The following MEGF11 variants were observed in gnomAD, a reference collection of about 807,000 sequenced individuals.
MEGF11 encodes the protein multiple EGF like domains 11, also known as multiple epidermal growth factor-like domains protein 11.
MEGF11 carries 126 observed loss-of-function variants against 146.6 expected under a neutral mutation model. The ratio of observed to expected loss-of-function variants is 0.86; its 90% confidence interval spans 0.74 to 1.00. MEGF11 has a LOEUF of 1.00. Among genes scored for constraint, MEGF11 ranks in the 50% least tolerant of loss-of-function variants. MEGF11 has a pLI of 0.00. For missense variants in MEGF11, 1,509 were observed against 1,521.2 expected, an observed-to-expected ratio of 0.99 and a Z score of 0.13; for synonymous variants, 532 against 583.4, an observed-to-expected ratio of 0.91 and a Z score of 1.27.
At position 65,915,511 on chromosome 15, in the gene MEGF11, C is replaced by T. The variant is rs755106286; in HGVS notation, c.2432G>A (p.Cys811Tyr). ...TCCTTTGAAGCCAGGGCTGCAGTAA[C>T]AGGTGCCGGTGACATGGTCACAGGT... The part of the protein sequence containing the change: ...NSTCDHVTGT[C>Y]YCSPGFKGIR... The change falls in exon 19 of 26, where the codon TGT (cysteine) becomes TAT (tyrosine). Residue 811 changes from cysteine to tyrosine, a missense_variant. Cys to Tyr is a radical substitution (Grantham distance 194). Coordinates refer to ENST00000395614, the MANE Select transcript of MEGF11 (RefSeq NM_001385028.1). The T allele has an allele frequency of 1.2e-6, 2 of 1,613,972 alleles. No homozygotes were observed. The highest frequency in any genetic ancestry group is 1.7e-6 in the Non-Finnish European group (2 of 1,179,872).
chr15:65,969,578 T>G (rs1467861429), intron 8 of MEGF11, among the ~76,000 whole-genome samples: 1 of 152,186 alleles, frequency 6.6e-6, no homozygotes, highest in Non-Finnish European at 1.5e-5. Flanking sequence ...TGGACATCAC[T>G]AAGGATTTGG....
chr15:66,039,306 C>T (rs891626779), intron 5 of MEGF11, among the ~76,000 whole-genome samples: 22 of 152,270 alleles, frequency 1.4e-4, no homozygotes, highest in East Asian at 5.8e-4. Flanking sequence ...CCAGAGGTGG[C>T]GGGAGAGGCT....
chr15:66,127,333 C>T (rs371198949), intron 2 of MEGF11, among the ~76,000 whole-genome samples: 5 of 152,240 alleles, frequency 3.3e-5, no homozygotes, highest in African/African-American at 1.2e-4. Context: ...AGGGATCACA[C>T]AAGTGCAGGC....
At chr15:66,200,895 G>A (rs753336244) in intron 1 of MEGF11, among the ~76,000 whole-genome samples, 30 of 152,028 alleles carry the variant, frequency 2.0e-4, no homozygotes, top group Non-Finnish European at 3.8e-4. Flanking sequence ...AGGTCAGGTT[G>A]TCCCTAGAGA....
intron 4 of MEGF11, among the ~76,000 whole-genome samples, chr15:66,102,848 C>G (rs1007969657): frequency 6.6e-6 from 1 of 152,166 alleles, no homozygotes; most frequent in African/African-American, 2.4e-5. Context: ...TTCCTTTGGC[C>G]CTTGGCCTAG....
In MEGF11 at chr15:66,124,020, T is replaced by C. The variant is rs1234091678; in HGVS notation, c.99-20A>G. ...GCATAGCTGAGAACCAGATGGGAGA[T>C]AGGAGCCATGATTAGCACTTGGGAA... On this transcript the variant is annotated intron_variant, in intron 2 of 25. Coordinates refer to ENST00000395614, the MANE Select transcript of MEGF11 (RefSeq NM_001385028.1). 1.9e-6 allele frequency: 3 copies of C among 1,592,898 alleles called. No homozygotes were observed. Among genetic ancestry groups the C allele is most frequent in the African/African-American group, 1.3e-5 (1 of 74,610 alleles).
intron 5 of MEGF11, among the ~76,000 whole-genome samples, chr15:65,997,104 G>C (rs1218776411): frequency 6.6e-6 from 1 of 152,206 alleles, no homozygotes; most frequent in African/African-American, 2.4e-5. Flanking sequence ...GACTTTGAGA[G>C]GAGCTCCCAG....
chr15:65,999,166 G>A (rs59691220), intron 5 of MEGF11, among the ~76,000 whole-genome samples: 29,858 of 151,606 alleles, frequency 0.2, 3,435 homozygotes, highest in East Asian at 0.59. Flanking sequence ...TGAGTAGCTG[G>A]GACTACAGGC....
At position 65,982,334 on chromosome 15, in the gene MEGF11, C is replaced by A; in HGVS notation, c.549G>T (p.Lys183Asn). The change falls in exon 6 of 26, where the codon AAG becomes AAT. Residue 183 changes from lysine (K) to asparagine (N), a missense_variant. By Grantham distance (94) the Lys-to-Asn change is moderately conservative (BLOSUM62 0). Transcript: ENST00000395614. The surrounding 1 kb of genome is among the most constrained non-coding windows in gnomAD (Gnocchi z 5.6). Reference protein sequence around the residue: ...EELCAPGTHGKGCQLPCQCRH... With the variant: ...EELCAPGTHGNGCQLPCQCRH... ...GGCACTGGCACGGCAGCTGGCATCC[C>A]TTGCCGTGGGTGCCAGGTGCGCAGA... 2.0e-6 allele frequency: 3 copies of A among 1,530,834 alleles called. No individual in the cohort carries two copies. The highest frequency in any genetic ancestry group is 2.6e-6 in the Non-Finnish European group (3 of 1,139,718). 94.8% of individuals were successfully genotyped at this position (1,530,834 alleles called of 1,614,324 possible). A position where few individuals can be genotyped will look rare whatever the true frequency, so the allele number is the denominator to read the frequency against.
At chr15:66,113,013 T>G (rs1402635078) in intron 4 of MEGF11, among the ~76,000 whole-genome samples, 1 of 152,222 alleles carries the variant, frequency 6.6e-6, no homozygotes, top group Non-Finnish European at 1.5e-5. Flanking sequence ...ACAATAATTG[T>G]GCAAAGCAAC....
chr15:66,113,103 A>G (rs2087520723), intron 4 of MEGF11, among the ~76,000 whole-genome samples: 1 of 151,866 alleles, frequency 6.6e-6, no homozygotes, highest in African/African-American at 2.4e-5. Flanking sequence ...ACACTGCCTG[A>G]CCCCCTGCCC....
At chr15:66,181,740 A>G (rs763678483) in intron 1 of MEGF11, among the ~76,000 whole-genome samples, 3 of 152,162 alleles carry the variant, frequency 2.0e-5, no homozygotes, top group African/African-American at 7.2e-5. Context: ...ATTTTTCTTA[A>G]TTAAATTTTT....
chr15:66,012,810 C>A (rs1039606574), intron 5 of MEGF11, among the ~76,000 whole-genome samples: 2 of 152,206 alleles, frequency 1.3e-5, no homozygotes, highest in African/African-American at 4.8e-5. Context: ...CAGCGCTTCC[C>A]CTAGGAGCCC....
chr15:66,075,173 T>C (rs1402789499), intron 5 of MEGF11, among the ~76,000 whole-genome samples: 1 of 152,234 alleles, frequency 6.6e-6, no homozygotes, highest in African/African-American at 2.4e-5. Flanking sequence ...GAACCCATGT[T>C]AGAGAGGCCC....
intron 9 of MEGF11, among the ~76,000 whole-genome samples, chr15:65,959,105 A>ATAAT (rs1464424157): frequency 2.0e-5 from 3 of 152,210 alleles, no homozygotes; most frequent in African/African-American, 4.8e-5. Context: ...TCCTCTAAAT[A>ATAAT]TAATTATCTT....
At chr15:66,138,999 G>A (rs951007744) in intron 1 of MEGF11, among the ~76,000 whole-genome samples, 15 of 152,198 alleles carry the variant, frequency 9.9e-5, no homozygotes, top group African/African-American at 3.4e-4. Flanking sequence ...GGGAAGAAAG[G>A]AACTGAAGGT....
intron 7 of MEGF11, among the ~76,000 whole-genome samples, chr15:65,975,950 A>G (rs112633341): frequency 0.048 from 7,229 of 151,846 alleles, 272 homozygotes; most frequent in Non-Finnish European, 0.069. Flanking sequence ...GCAGGGGGAG[A>G]GAGCAGCCAG....
chr15:65,980,706 C>A, intron 7 of MEGF11, 72 bp downstream of exon 7: 1 of 1,484,518 alleles, frequency 6.7e-7, no homozygotes, highest in Non-Finnish European at 9.0e-7. Flanking sequence ...CTAGTTTAGC[C>A]TTTTAAGGTA....
In MEGF11 at chr15:65,907,413, A is replaced by G. The variant is rs532226261; in HGVS notation, c.2999-1272T>C. 3.9e-4 allele frequency among the ~76,000 whole-genome samples: 59 copies of G among 149,628 alleles called. 1 individual carries two copies. Among genetic ancestry groups the G allele is most frequent in the African/African-American group, 1.2e-3 (50 of 40,564 alleles). Reference sequence around the variant, plus strand: ...AGGTTCAATCGATTCTCCTGTCTCAACCTCCTGAGTAGCTGGGACTACAGG... The same window carrying G: ...AGGTTCAATCGATTCTCCTGTCTCAGCCTCCTGAGTAGCTGGGACTACAGG... On this transcript the variant is annotated intron_variant, in intron 23 of 25. Coordinates refer to ENST00000395614, the MANE Select transcript of MEGF11 (RefSeq NM_001385028.1).
Sources: gnomAD v4.1 joint callset for allele counts (sites outside exome capture counted in the v4.1 genomes callset) on GRCh38, gnomAD v4.1.1 for gene constraint, Gnocchi (gnomAD v3.1) non-coding constraint, MANE v1.5 for transcripts, NCBI Gene and HGNC (gene_info 2026-07-23, HGNC 2026-07-21) for gene names.